PEX26: variants seen among roughly 807,000 people sequenced by gnomAD.
PEX26 encodes the protein peroxisomal biogenesis factor 26, also known as peroxisome assembly protein 26.
In PEX26, 18 loss-of-function variants were observed where a neutral mutation model predicts 31.4. That is an observed-to-expected ratio of 0.57 (90% CI 0.40 to 0.85). PEX26 has a LOEUF of 0.85. Among genes scored for constraint, PEX26 ranks in the 40% least tolerant of loss-of-function variants. The pLI is 0.00. For missense variants in PEX26, 377 were observed against 383.9 expected (o/e 0.98, Z 0.15); for synonymous variants, 176 against 166.9 (o/e 1.05, Z -0.42).
At position 18,086,761 on chromosome 22, in the gene PEX26, C is replaced by G. The variant is rs190966585; in HGVS notation, c.815-1211C>G. On this transcript the variant is annotated intron_variant, in intron 4 of 4. Transcript: ENST00000399744. ...CAAAATTTAAGAGGAAATCAGAAACCCTTATACTGGTCCCTTCAAATGGTT... is the reference window on the plus strand; with the variant it reads ...CAAAATTTAAGAGGAAATCAGAAACGCTTATACTGGTCCCTTCAAATGGTT... Among the ~76,000 whole-genome samples, 13 of 152,134 alleles carry G rather than the reference C, an allele frequency of 8.5e-5. 1 individual carries two copies. Among genetic ancestry groups the G allele is most frequent in the Admixed American group, 8.5e-4 (13 of 15,286 alleles).
chr22:18,094,888 G>C lies in PEX26; in HGVS notation c.*6813G>C, dbSNP rs1366895366. 6.6e-6 allele frequency: 1 copy of C among 151,708 alleles called. No individual in the cohort carries two copies. Among genetic ancestry groups the C allele is most frequent in the African/African-American group, 2.4e-5 (1 of 41,280 alleles). The allele number at this position is 151,708 out of a possible 1,614,324, so 9.4% of individuals were successfully genotyped here. A position where few individuals can be genotyped will look rare whatever the true frequency, so the allele number is the denominator to read the frequency against. On this transcript the variant is annotated 3_prime_UTR_variant, in exon 5 of 5. Coordinates refer to ENST00000399744, the MANE Select transcript of PEX26 (RefSeq NM_001127649.3). ...CTCCTCTTGGGTTCAAGCCAGCGAG[G>C]TAGATATTATCATTTTAGAGACAGC...
At position 18,085,096 on chromosome 22, in the gene PEX26, C is replaced by T; in HGVS notation, c.668-16C>T. 1.2e-6 allele frequency: 2 copies of T among 1,613,804 alleles called. No homozygotes were observed. Among genetic ancestry groups the T allele is most frequent in the African/African-American group, 1.3e-5 (1 of 74,996 alleles). The stretch of plus-strand genomic sequence containing the variant: ...CCCATGACATCCCTGAAGCTGTGCT[C>T]TGTCTCCCTGGCCAGGCTCTGTCTC... On this transcript the variant is annotated splice_polypyrimidine_tract_variant and intron_variant, in intron 3 of 4. Transcript: ENST00000399744.
Position 18,096,543 on chromosome 22 carries a change from C to A in PEX26, c.*8468C>A, listed in dbSNP as rs137989801. The A allele has an allele frequency of 0.032, 4,796 of 152,164 alleles. 141 individuals are homozygous for A. The highest frequency in any genetic ancestry group is 0.077 in the African/African-American group (3,188 of 41,420). The allele number at this position is 152,164 out of a possible 1,614,324, so 9.4% of individuals were successfully genotyped here. On this transcript the variant is annotated 3_prime_UTR_variant, in exon 5 of 5. Transcript: ENST00000399744. The stretch of plus-strand genomic sequence containing the variant: ...ATGCCATTCTTCTGCCTCAGCCTCC[C>A]GAATAGCTGGGACTACAGGCGCCCG...
At position 18,079,993 on chromosome 22, in the gene PEX26, C is replaced by T. The variant is rs61752134; in HGVS notation, c.350C>T (p.Pro117Leu). ...TATTACCAGGTCCCTGAAAAGCTAC[C>T]CCCCAAAGTCCTGGAGCTGTGGTAA... ...LQYYQVPEKL[P>L]PKVLELCILL... Residue 117 changes from proline (P) to leucine (L), a missense_variant, in exon 2 of 5, where the codon CCC (proline) becomes CTC (leucine). Transcript: ENST00000399744. 1.8e-5 allele frequency: 29 copies of T among 1,614,008 alleles called. No individual in the cohort carries two copies. The highest frequency in any genetic ancestry group is 2.7e-5 in the African/African-American group (2 of 74,910).
chr22:18,085,144 A>T lies in PEX26; in HGVS notation c.700A>T (p.Met234Leu). ...SVSHKFLSLP[M>L]LVRQLWDSAV... ...CTCCCACAAGTTCCTGTCACTACCG[A>T]TGTTGGTTCGCCAGCTTTGGGACTC... is the stretch of plus-strand genomic sequence containing the variant. Residue 234 changes from methionine (M) to leucine (L), a missense_variant, in exon 4 of 5, where the codon ATG becomes TTG. Physicochemically the swap from Met to Leu is conservative, Grantham distance 15. Coordinates refer to ENST00000399744, the MANE Select transcript of PEX26 (RefSeq NM_001127649.3). The T allele has an allele frequency of 6.2e-7, 1 of 1,613,878 alleles. No individual in the cohort carries two copies. Among genetic ancestry groups the T allele is most frequent in the Non-Finnish European group, 8.5e-7 (1 of 1,179,944 alleles).
intron 1 of PEX26, chr22:18,078,881 T>C (rs1325245859): frequency 3.2e-6 from 2 of 618,432 alleles, no homozygotes; most frequent in Non-Finnish European, 6.0e-6. Flanking sequence ...GTGTATTAAG[T>C]GCTAAGTTCT....
At chr22:18,080,912 C>T (rs1926550584) in intron 2 of PEX26, among the ~76,000 whole-genome samples, 2 of 152,182 alleles carry the variant, frequency 1.3e-5, no homozygotes, top group South Asian at 2.1e-4. Context: ...TACCCATTGA[C>T]GAACCTCTTC....
rs34194489 is a variant in PEX26 at position 18,083,562 on chromosome 22, G to A, written c.497G>A (p.Arg166Gln). 1.4e-4 allele frequency: 233 copies of A among 1,614,048 alleles called. 2 individuals are homozygous for A. The African/African-American group carries it at 2.7e-3, about 19-fold the overall frequency. ...YGALAEFHVQ[R>Q]VLLPLGCLSE... ...GCCTTGGCAGAATTTCACGTGCAGC[G>A]GGTGCTGCTGCCTCTGGGCTGCTTA... The change falls in exon 3 of 5, where the codon CGG becomes CAG. Residue 166 changes from arginine (R) to glutamine (Q), a missense_variant. Arg to Gln is a conservative substitution (Grantham distance 43, BLOSUM62 1). Coordinates refer to ENST00000399744, the MANE Select transcript of PEX26 (RefSeq NM_001127649.3).
intron 1 of PEX26, chr22:18,079,218 T>G: frequency 1.0e-6 from 1 of 985,396 alleles, no homozygotes; most frequent in African/African-American, 1.7e-5. Flanking sequence ...ACCTTGGGCT[T>G]GCATTGCTCT....
At position 18,094,168 on chromosome 22, in the gene PEX26, G is replaced by A. The variant is rs1927218332; in HGVS notation, c.*6093G>A. 6.6e-6 allele frequency: 1 copy of A among 152,132 alleles called. No individual in the cohort carries two copies. The highest frequency in any genetic ancestry group is 1.9e-4 in the East Asian group (1 of 5,206). 9.4% of individuals were successfully genotyped at this position (152,132 alleles called of 1,614,324 possible). A position where few individuals can be genotyped will look rare whatever the true frequency, so the allele number is the denominator to read the frequency against. The stretch of plus-strand genomic sequence containing the variant: ...AGGTGTCAGATAATAGCAGAGACTT[G>A]GTGAAGAAATGAAAGCACTTTTGTA... On this transcript the variant is annotated 3_prime_UTR_variant, in exon 5 of 5. Coordinates refer to ENST00000399744, the MANE Select transcript of PEX26 (RefSeq NM_001127649.3).
At position 18,078,306 on chromosome 22, in the gene PEX26, G is replaced by A; in HGVS notation, c.-71G>A. ...TCCCTCTTCGCCCAGGCCAACTCGG[G>A]ATATCCCGGAGCCTCTGGGGAGGCG... On this transcript the variant is annotated 5_prime_UTR_variant, in exon 1 of 5. Transcript: ENST00000399744. 2 of 1,128,246 alleles carry A rather than the reference G, an allele frequency of 1.8e-6. No homozygotes were observed. Among genetic ancestry groups the A allele is most frequent in the Non-Finnish European group, 2.6e-6 (2 of 764,170 alleles). 69.9% of individuals were successfully genotyped at this position (1,128,246 alleles called of 1,614,324 possible).
At chr22:18,085,708 A>C (rs1005255501) in intron 4 of PEX26, among the ~76,000 whole-genome samples, 1 of 151,984 alleles carries the variant, frequency 6.6e-6, no homozygotes, top group African/African-American at 2.4e-5. Flanking sequence ...ATCTCTACTA[A>C]AGATACAAAA....
At chr22:18,078,848 A>G (rs1034278909) in intron 1 of PEX26, 10 of 685,656 alleles carry the variant, frequency 1.5e-5, no homozygotes, top group African/African-American at 5.3e-5. Flanking sequence ...CCAAGGTACA[A>G]TGACATGATG....
rs1000155327 is a variant in PEX26, at chr22:18,094,644, G to A, written c.*6569G>A. The A allele has an allele frequency of 2.0e-5, 3 of 152,158 alleles. No homozygotes were observed. The highest frequency in any genetic ancestry group is 2.9e-5 in the Non-Finnish European group (2 of 68,058). The allele number at this position is 152,158 out of a possible 1,614,324, so 9.4% of individuals were successfully genotyped here. A position where few individuals can be genotyped will look rare whatever the true frequency, so the allele number is the denominator to read the frequency against. ...ATGCATGCATACTTTTATGTTACAG[G>A]CTTATTTTCCAAATGCGGTAGAGGG... On this transcript the variant is annotated 3_prime_UTR_variant, in exon 5 of 5. Transcript: ENST00000399744.
Position 18,078,056 on chromosome 22 carries a change from T to G in PEX26, c.-321T>G. ...CGCTGCCGGGAGGCGAGGTGAGTCT[T>G]TGATCGTAACCAGGAGCCCGGAGCT... On this transcript the variant is annotated 5_prime_UTR_variant, in exon 1 of 5. Transcript: ENST00000399744. The G allele has an allele frequency of 1.9e-6, 1 of 525,872 alleles. No homozygotes were observed. The highest frequency in any genetic ancestry group is 4.8e-5 in the East Asian group (1 of 20,964). 32.6% of individuals were successfully genotyped at this position (525,872 alleles called of 1,614,324 possible).
At chr22:18,085,858 C>T (rs967496995) in intron 4 of PEX26, among the ~76,000 whole-genome samples, 6 of 151,296 alleles carry the variant, frequency 4.0e-5, no homozygotes, top group African/African-American at 1.5e-4. Context: ...GGCAATAGAG[C>T]GAGACTCTGT....
Position 18,091,815 on chromosome 22 carries a change from G to A in PEX26, c.*3740G>A, listed in dbSNP as rs756286504. 2 of 152,256 alleles carry A rather than the reference G, an allele frequency of 1.3e-5. No individual in the cohort carries two copies. The highest frequency in any genetic ancestry group is 1.5e-5 in the Non-Finnish European group (1 of 68,082). The allele number at this position is 152,256 out of a possible 1,614,324, so 9.4% of individuals were successfully genotyped here. ...ATGCTTTCCAAAGCCTACAAGTACA[G>A]CAGCCCCAAGTTTAGGGTGAGCAGC... On this transcript the variant is annotated 3_prime_UTR_variant, in exon 5 of 5. Transcript: ENST00000399744.
rs754081996 is a variant in PEX26, at chr22:18,078,590, G to A, written c.214G>A (p.Glu72Lys). ...WQSLANHAVA[E>K]EPAGTSLEVK... ...GAGTCTGGCCAACCACGCCGTGGCAGAGGAACCCGCGGGCACGTACGTGCT... is the reference window on the plus strand; with the variant it reads ...GAGTCTGGCCAACCACGCCGTGGCAAAGGAACCCGCGGGCACGTACGTGCT... Residue 72 changes from glutamate to lysine, a missense_variant, in exon 1 of 5, where the codon GAG (glutamate) becomes AAG (lysine). By Grantham distance (56) the Glu-to-Lys change is moderately conservative. Transcript: ENST00000399744. 3 of 1,600,584 alleles carry A rather than the reference G, an allele frequency of 1.9e-6. No homozygotes were observed. Among genetic ancestry groups the A allele is most frequent in the Non-Finnish European group, 2.6e-6 (3 of 1,176,062 alleles).
Position 18,085,803 on chromosome 22 carries a change from C to T in PEX26, c.814+545C>T, listed in dbSNP as rs143401594. On this transcript the variant is annotated intron_variant, in intron 4 of 4. Transcript: ENST00000399744. ...AGGAGAATAGCTTGAACCCGGGAGG[C>T]GGAGGTTGCAGTGAGCCAAGATCGC... is the stretch of plus-strand genomic sequence containing the variant. Among the ~76,000 whole-genome samples, 759 of 152,008 alleles carry T rather than the reference C, an allele frequency of 5.0e-3. 9 individuals carry two copies. The highest frequency in any genetic ancestry group is 0.018 in the African/African-American group (731 of 41,486).
Sources: gnomAD v4.1 joint callset for allele counts (sites outside exome capture counted in the v4.1 genomes callset) on GRCh38, gnomAD v4.1.1 for gene constraint, MANE v1.5 for transcripts, NCBI Gene and HGNC (gene_info 2026-07-23, HGNC 2026-07-21) for gene names.